The following OSMR variants were observed in gnomAD, a reference collection of about 807,000 sequenced individuals.
OSMR encodes the protein oncostatin M receptor, also known as oncostatin-M-specific receptor subunit beta.
A neutral mutation model predicts 99.9 loss-of-function variants in OSMR; 81 were observed. The observed-to-expected ratio is 0.81, with a 90% CI of 0.68 to 0.97. The LOEUF (loss-of-function observed/expected upper bound fraction) is 0.97. Among genes scored for constraint, OSMR ranks in the 50% least tolerant of loss-of-function variants. OSMR has a pLI of 0.00. For missense variants in OSMR, 1,099 were observed against 1,153.4 expected (o/e 0.95, Z 0.68); for synonymous variants, 406 against 410.4 (o/e 0.99, Z 0.13).
At chr5:38,885,078 C>G in intron 5 of OSMR, 5 of 523,466 alleles carry the variant, frequency 9.6e-6, no homozygotes, top group Non-Finnish European at 1.2e-5. Flanking sequence ...CAACCCTTGT[C>G]AAATGGACAT....
At chr5:38,883,580 A>T in intron 4 of OSMR, 1 of 381,304 alleles carries the variant, frequency 2.6e-6, no homozygotes, top group Non-Finnish European at 3.6e-6. Context: ...TCAGAGTGGT[A>T]ATAGTAATGT....
chr5:38,944,631 A>C, intron 2 of OSMR: 55 of 1,392,146 alleles, frequency 4.0e-5, no homozygotes, highest in Non-Finnish European at 4.5e-5. Flanking sequence ...ATTAAAACTC[A>C]TGAAATTTAT....
At chr5:38,876,434 T>G (rs1742844789) in intron 3 of OSMR, 61 bp downstream of exon 3, 2 of 1,383,356 alleles carry the variant, frequency 1.4e-6, no homozygotes, top group African/African-American at 1.4e-5. Context: ...CACCTTGGTT[T>G]TCTTTTATAA....
intron 1 of OSMR, among the ~76,000 whole-genome samples, chr5:38,861,941 A>C (rs62352589): frequency 3.1e-5 from 2 of 64,848 alleles, no homozygotes; most frequent in Admixed American, 1.7e-4. Context: ...CCCACCTCCC[A>C]CCCGGACGGG....
intron 7 of OSMR, among the ~76,000 whole-genome samples, chr5:38,897,445 T>C (rs944262466): frequency 6.6e-6 from 1 of 152,150 alleles, no homozygotes; most frequent in African/African-American, 2.4e-5. Flanking sequence ...TAATTGCTCA[T>C]AGTAGCCACT....
At chr5:38,847,142 T>C (rs1201107521) in intron 1 of OSMR, among the ~76,000 whole-genome samples, 2 of 152,226 alleles carry the variant, frequency 1.3e-5, no homozygotes, top group Non-Finnish European at 2.9e-5. Flanking sequence ...GATACTTAGT[T>C]TGAGCTAGAA....
At chr5:38,881,867 C>T (rs1743316718) in intron 4 of OSMR, 103 bp downstream of exon 4, 1 of 1,014,450 alleles carries the variant, frequency 9.9e-7, no homozygotes, top group Non-Finnish European at 1.5e-6. Flanking sequence ...CCTGGGTAGA[C>T]ACTGACATTA....
At chr5:38,944,869 A>G (rs1276504314) in intron 2 of OSMR, 2 of 1,566,834 alleles carry the variant, frequency 1.3e-6, no homozygotes, top group East Asian at 4.5e-5. Context: ...AACTAATCAG[A>G]ACAGTTTTAC....
intron 7 of OSMR, among the ~76,000 whole-genome samples, chr5:38,894,730 C>T (rs1744385519): frequency 6.6e-6 from 1 of 152,032 alleles, no homozygotes; most frequent in Non-Finnish European, 1.5e-5. Context: ...TACAAAGAGA[C>T]TTAGATAAGC....
chr5:38,930,019 C>G (rs182728940), intron 15 of OSMR, among the ~76,000 whole-genome samples: 6 of 152,298 alleles, frequency 3.9e-5, no homozygotes, highest in South Asian at 2.1e-4. Flanking sequence ...CTCTCCCTTA[C>G]AGCCCACTTT....
At chr5:38,903,648 GA>G in intron 7 of OSMR, 1 of 411,330 alleles carries the variant, frequency 2.4e-6, no homozygotes, top group Non-Finnish European at 3.3e-6. Flanking sequence ...TTAATTTTAA[GA>G]GTCCTCAAGT....
downstream of OSMR, chr5:38,945,336 C>A: frequency 3.2e-6 from 2 of 624,486 alleles, no homozygotes; most frequent in Non-Finnish European, 5.6e-6. Flanking sequence ...GTGAGAGGAT[C>A]AGCATCTCAG....
At chr5:38,853,820 G>A (rs1669861119) in intron 1 of OSMR, among the ~76,000 whole-genome samples, 1 of 152,124 alleles carries the variant, frequency 6.6e-6, no homozygotes, top group Admixed American at 6.5e-5. Context: ...TATAACACTG[G>A]TGGAAACACT....
rs1746417720 is a variant in OSMR, at chr5:38,925,203, G to A, written c.2045-1G>A. 1 of 1,613,116 alleles carries A rather than the reference G, an allele frequency of 6.2e-7. No homozygotes were observed. Among genetic ancestry groups the A allele is most frequent in the Non-Finnish European group, 8.5e-7 (1 of 1,179,648 alleles). On this transcript the variant is annotated splice_acceptor_variant, in intron 14 of 17. Transcript: ENST00000274276. LOFTEE classifies it high-confidence loss of function. ...AAAAAAAACCATTTAAAAAATCACA[G>A]ATGGTTCAGAATGTTGCAAATACAA...
downstream of OSMR, chr5:38,940,130 T>TAAAAA (rs1554057737): frequency 1.0e-4 from 9 of 86,404 alleles, no homozygotes; most frequent in South Asian, 5.0e-4. Context: ...AAAGTAACAG[T>TAAAAA]AAAAAAAAAA....
chr5:38,912,419 C>T (rs1376155756), intron 9 of OSMR, among the ~76,000 whole-genome samples: 1 of 152,082 alleles, frequency 6.6e-6, no homozygotes, highest in African/African-American at 2.4e-5. Context: ...TGAAAGAAAT[C>T]ATAGGTGACA....
rs534551288 is a variant in OSMR, at chr5:38,885,581, T to G, written c.839+97T>G. The stretch of plus-strand genomic sequence containing the variant: ...TCTACACTTAGATGTTGCAGGAAAT[T>G]TGAACAAATATTTCAGAACCACCTG... On this transcript the variant is annotated intron_variant, in intron 6 of 17. Coordinates refer to ENST00000274276, the MANE Select transcript of OSMR (RefSeq NM_003999.3). 101 of 1,502,558 alleles carry G rather than the reference T, an allele frequency of 6.7e-5. 1 individual carries two copies. In the African/African-American group the frequency reaches 1.3e-3, roughly 20 times the overall value. The allele number at this position is 1,502,558 out of a possible 1,614,324, so 93.1% of individuals were successfully genotyped here.
chr5:38,876,152 A>G (rs545152593), intron 2 of OSMR, 49 bp from the exon 3 acceptor site: 35 of 1,590,692 alleles, frequency 2.2e-5, no homozygotes, highest in Middle Eastern at 1.7e-4. Flanking sequence ...TGACTCTTCA[A>G]TCATGCTCCT....
intron 3 of OSMR, among the ~76,000 whole-genome samples, chr5:38,878,494 T>A (rs930762955): frequency 2.0e-5 from 3 of 152,232 alleles, no homozygotes; most frequent in African/African-American, 7.2e-5. Context: ...TGCATGGTCC[T>A]GCCCTCCTGG....
Sources: allele counts gnomAD v4.1 joint callset (sites outside exome capture counted in the v4.1 genomes callset), GRCh38; gene constraint gnomAD v4.1.1; transcripts MANE v1.5; gene names NCBI Gene and HGNC (gene_info 2026-07-23, HGNC 2026-07-21).